SPEG: variants seen among roughly 807,000 people sequenced by gnomAD.
SPEG encodes the protein striated muscle enriched protein kinase, also known as striated muscle preferentially expressed protein kinase.
In SPEG, 114 loss-of-function variants were observed where a neutral mutation model predicts 300.4. The observed-to-expected ratio is 0.38, with a 90% confidence interval of 0.33 to 0.44. The LOEUF (loss-of-function observed/expected upper bound fraction) is 0.44, where lower values mean the gene tolerates loss of function less well. Ranked by LOEUF, SPEG falls within the 20% of genes least tolerant of loss-of-function variation. The pLI, the probability that SPEG is intolerant of heterozygous loss-of-function variation, is 1.00. For synonymous variants in SPEG, 1,964 were observed against 2,018.9 expected, an observed-to-expected ratio of 0.97 and a Z score of 0.73; for missense variants, 4,201 against 4,586.2, an observed-to-expected ratio of 0.92 and a Z score of 2.43.
Position 219,472,885 on chromosome 2 carries a change from G to T in SPEG, c.3941-5G>T, listed in dbSNP as rs200293373. ...AGCAGCCTCTAGTAGCTCCTCTCCC[G>T]CCAGACCCGGACTCCCTGACGTACA... is the stretch of plus-strand genomic sequence containing the variant. On this transcript the variant is annotated splice_region_variant and splice_polypyrimidine_tract_variant and intron_variant, in intron 15 of 40. Transcript: ENST00000312358. 1.1e-4 allele frequency: 172 copies of T among 1,570,766 alleles called. No homozygotes were observed. The highest frequency in any genetic ancestry group is 1.4e-4 in the Non-Finnish European group (161 of 1,154,738).
Position 219,445,006 on chromosome 2 carries a change from C to A in SPEG, c.660C>A (p.Ala220=). The A allele has an allele frequency of 1.9e-6, 3 of 1,610,432 alleles. No homozygotes were observed. In the South Asian group the frequency reaches 3.3e-5, roughly 18 times the overall value. The change falls in exon 3 of 41, where the codon GCC becomes GCA. Residue 220 remains alanine, a synonymous_variant. Transcript: ENST00000312358. The surrounding 1 kb of genome is among the most constrained non-coding windows in gnomAD (Gnocchi z 6.1). The part of the protein sequence containing the change: ...GSPRQAQATG[A]GPRHLGVEPL... ...CAAGGCAAGCACAGGCAACCGGGGC[C>A]GGGCCACGGCACCTGGGGGTGGAGC...
At position 219,467,281 on chromosome 2, in the gene SPEG, G is replaced by A. The variant is rs1359313092; in HGVS notation, c.2989G>A (p.Val997Met). The A allele has an allele frequency of 6.8e-6, 11 of 1,609,714 alleles. No homozygotes were observed. Among genetic ancestry groups the A allele is most frequent in the Admixed American group, 5.0e-5 (3 of 59,990 alleles). The part of the protein sequence containing the change: ...FECLVAGPTD[V>M]EVDWLCRGRL... ...GTGCCTGGTGGCGGGGCCCACTGAC[G>A]TGGAGGTGGATTGGCTGTGCCGTGG... Residue 997 changes from valine to methionine, a missense_variant, in exon 10 of 41, where the codon GTG (valine) becomes ATG (methionine). By Grantham distance (21) the Val-to-Met change is conservative. Coordinates refer to ENST00000312358, the MANE Select transcript of SPEG (RefSeq NM_005876.5).
At chr2:219,466,410 G>GTCTA in intron 9 of SPEG, 1 of 1,316,542 alleles carries the variant, frequency 7.6e-7, no homozygotes, top group Non-Finnish European at 9.7e-7. Context: ...CTACAGGCCT[G>GTCTA]TCTATCTGTT....
At position 219,435,236 on chromosome 2, in the gene SPEG, GC is replaced by G; in HGVS notation, c.264del (p.Glu89SerfsTer89). The G allele has an allele frequency of 1.4e-6, 2 of 1,475,924 alleles. No homozygotes were observed. Among genetic ancestry groups the G allele is most frequent in the Non-Finnish European group, 8.9e-7 (1 of 1,123,800 alleles). The allele number at this position is 1,475,924 out of a possible 1,614,324, so 91.4% of individuals were successfully genotyped here. Reference protein sequence around the residue: ...FRDGQLLPAPAPEPSCLWLRR... With the variant: ...FRDGQLLPAPXPEPSCLWLRR... ...GGATGGGCAGCTCCTGCCCGCGCCG[GC>G]CCCCGAGCCCAGCTGCCTGTGGCTG... On this transcript the variant is annotated frameshift_variant, in exon 1 of 41. Coordinates refer to ENST00000312358, the MANE Select transcript of SPEG (RefSeq NM_005876.5). LOFTEE classifies it high-confidence loss of function.
rs770645696 is a variant in SPEG at position 219,471,882 on chromosome 2, C to T, written c.3730C>T (p.Arg1244Cys). Residue 1244 changes from arginine (R) to cysteine (C), a missense_variant, in exon 14 of 41, where the codon CGC (arginine) becomes TGC (cysteine). Arg to Cys is a radical substitution (Grantham distance 180). Transcript: ENST00000312358. ...TCCCCTCCCAGACAGGGATGTCCATCGCTTGGTGTTCCCTGCCGTGGGGCC... is the reference window on the plus strand; with the variant it reads ...TCCCCTCCCAGACAGGGATGTCCATTGCTTGGTGTTCCCTGCCGTGGGGCC... ...RRMTQYRDVH[R>C]LVFPAVGPQH... is the part of the protein sequence containing the mutation. 29 of 1,613,936 alleles carry T rather than the reference C, an allele frequency of 1.8e-5. No homozygotes were observed. In the East Asian group the frequency reaches 2.0e-4, roughly 11 times the overall value.
At chr2:219,454,691 TA>T (rs1690036509) in intron 6 of SPEG, among the ~76,000 whole-genome samples, 1 of 152,236 alleles carries the variant, frequency 6.6e-6, no homozygotes, top group Admixed American at 6.5e-5. Context: ...CAGCAGCCTT[TA>T]TTTAGCACTT....
intron 13 of SPEG, 189 bp from the exon 14 acceptor site, chr2:219,471,679 G>T (rs1691885908): frequency 7.5e-6 from 5 of 662,722 alleles, no homozygotes; most frequent in Non-Finnish European, 7.6e-6. Flanking sequence ...GCCAGCCCGG[G>T]CCCAGACCCA....
intron 6 of SPEG, among the ~76,000 whole-genome samples, chr2:219,455,840 C>T (rs1045042600): frequency 9.9e-5 from 15 of 152,208 alleles, no homozygotes; most frequent in African/African-American, 2.4e-4. Flanking sequence ...CCCCACCGTG[C>T]GCCCCGAGAG....
In SPEG at chr2:219,482,852, G is replaced by A; in HGVS notation, c.5634G>A (p.Gln1878=). Residue 1878 remains glutamine, a splice_region_variant and synonymous_variant, in exon 29 of 41, where the codon CAG becomes CAA. Transcript: ENST00000312358. ...TATTCCTCTCCCGGCGGAGGTGGCA[G>A]GTAAGTGTGGCAGGCCAGCCTCTGT... The part of the protein sequence containing the change: ...LKLFLSRRRW[Q]RSQISYKCHL... 1 of 1,613,702 alleles carries A rather than the reference G, an allele frequency of 6.2e-7. No homozygotes were observed. Among genetic ancestry groups the A allele is most frequent in the Non-Finnish European group, 8.5e-7 (1 of 1,179,830 alleles).
rs1575045157 is a variant in SPEG at position 219,445,123 on chromosome 2, A to T, written c.777A>T (p.Ala259=). 3 of 1,591,772 alleles carry T rather than the reference A, an allele frequency of 1.9e-6. No homozygotes were observed. Among genetic ancestry groups the T allele is most frequent in the Non-Finnish European group, 2.6e-6 (3 of 1,169,866 alleles). Residue 259 remains alanine (A), a synonymous_variant, in exon 3 of 41, where the codon GCA becomes GCT. Transcript: ENST00000312358. The surrounding 1 kb of genome is among the most constrained non-coding windows in gnomAD (Gnocchi z 6.1). ...TGGCCAGTGACCTGTACGGCAGCGCATTCAGCCTGTACAGAGGACGGGCGC... is the reference window on the plus strand; with the variant it reads ...TGGCCAGTGACCTGTACGGCAGCGCTTTCAGCCTGTACAGAGGACGGGCGC... ...LSVASDLYGS[A]FSLYRGRALS...
chr2:219,446,287 T>C (rs1444394017), intron 3 of SPEG, among the ~76,000 whole-genome samples: 1 of 152,024 alleles, frequency 6.6e-6, no homozygotes, highest in Non-Finnish European at 1.5e-5. Context: ...GAGCCTGGAG[T>C]TGCTATGGCA....
In SPEG at chr2:219,448,959, A is replaced by G; in HGVS notation, c.1801A>G (p.Ser601Gly). ...RRRDQFPLTR[S>G]RAIQECRSPV... ...TCGGGACCAATTCCCGCTGACCCGG[A>G]GCAGAGCCATCCAGGAGTGCAGGAG... Residue 601 changes from serine (S) to glycine (G), a missense_variant, in exon 4 of 41, where the codon AGC becomes GGC. Transcript: ENST00000312358. 1 of 1,511,596 alleles carries G rather than the reference A, an allele frequency of 6.6e-7. No individual in the cohort carries two copies. Among genetic ancestry groups the G allele is most frequent in the South Asian group, 1.3e-5 (1 of 79,752 alleles). 93.6% of individuals were successfully genotyped at this position (1,511,596 alleles called of 1,614,324 possible). A position where few individuals can be genotyped will look rare whatever the true frequency, so the allele number is the denominator to read the frequency against.
chr2:219,471,172 G>A (rs879471338), intron 13 of SPEG, among the ~76,000 whole-genome samples: 3 of 152,156 alleles, frequency 2.0e-5, no homozygotes, highest in Admixed American at 2.0e-4. Context: ...CCAGGGGCAG[G>A]GGGGCTTCAT....
At position 219,447,986 on chromosome 2, in the gene SPEG, G is replaced by C; in HGVS notation, c.828G>C (p.Gln276His). 6.2e-7 allele frequency: 1 copy of C among 1,612,558 alleles called. No homozygotes were observed. Among genetic ancestry groups the C allele is most frequent in the Middle Eastern group, 1.6e-4 (1 of 6,062 alleles). ...CTTGGTTCTGCAGCAGCGTCCCTCA[G>C]AGCGGGTTGCGCAGGGAGGAGCCCG... is the stretch of plus-strand genomic sequence containing the variant. ...RALSIHVSVP[Q>H]SGLRREEPDL... Residue 276 changes from glutamine to histidine, a missense_variant, in exon 4 of 41, where the codon CAG (glutamine) becomes CAC (histidine). By Grantham distance (24) the Gln-to-His change is conservative. Coordinates refer to ENST00000312358, the MANE Select transcript of SPEG (RefSeq NM_005876.5).
chr2:219,467,199 C>G lies in SPEG; in HGVS notation c.2907C>G (p.Ala969=). 6.3e-7 allele frequency: 1 copy of G among 1,588,184 alleles called. No homozygotes were observed. The highest frequency in any genetic ancestry group is 8.6e-7 in the Non-Finnish European group (1 of 1,168,174). The change falls in exon 10 of 41, where the codon GCC becomes GCG. Residue 969 remains alanine (A), a synonymous_variant. Transcript: ENST00000312358. ...VRAHPESRSL[A]VLAPLQDVDV... The stretch of plus-strand genomic sequence containing the variant: ...CACACCCTGAAAGCCGGTCCCTGGC[C>G]GTGCTGGCCCCCCTGCAGGACGTGG...
In SPEG at chr2:219,483,616, C is replaced by G; in HGVS notation, c.6153C>G (p.Thr2051=). The change falls in exon 30 of 41, where the codon ACC becomes ACG. Residue 2051 remains threonine (T), a synonymous_variant. Transcript: ENST00000312358. ...GCCGGAGCCCCAGCCCGGGAGCCAC[C>G]CGCCTGGCCCGGGGAGGCCTGGGTG... ...PQRRSPSPGA[T]RLARGGLGEG... is the part of the protein sequence containing the mutation. 1.3e-6 allele frequency: 2 copies of G among 1,506,120 alleles called. No individual in the cohort carries two copies. The highest frequency in any genetic ancestry group is 8.8e-7 in the Non-Finnish European group (1 of 1,135,822). 93.3% of individuals were successfully genotyped at this position (1,506,120 alleles called of 1,614,324 possible).
At position 219,449,055 on chromosome 2, in the gene SPEG, C is replaced by G; in HGVS notation, c.1897C>G (p.Pro633Ala). Residue 633 changes from proline (P) to alanine (A), a missense_variant, in exon 4 of 41, where the codon CCC (proline) becomes GCC (alanine). By Grantham distance (27) the Pro-to-Ala change is conservative. Transcript: ENST00000312358. Reference protein sequence around the residue: ...TKAPPGRKREPPAQAVRFLPW... With the variant: ...TKAPPGRKREAPAQAVRFLPW... ...AGCACCCCCCGGTCGGAAGCGGGAG[C>G]CCCCGGCGCAGGCCGTGCGCTTCCT... is the stretch of plus-strand genomic sequence containing the variant. The G allele has an allele frequency of 2.0e-6, 3 of 1,516,584 alleles. 1 individual carries two copies. Among genetic ancestry groups the G allele is most frequent in the South Asian group, 2.5e-5 (2 of 80,574 alleles). 93.9% of individuals were successfully genotyped at this position (1,516,584 alleles called of 1,614,324 possible).
Position 219,444,917 on chromosome 2 carries a change from G to C in SPEG, c.571G>C (p.Gly191Arg). 6.3e-7 allele frequency: 1 copy of C among 1,577,504 alleles called. No homozygotes were observed. ...GGAGCAAGTGAGCTGGTGGGGCAGC[G>C]GGCAGACGGTCCTGGAGCAGGAAGC... The part of the protein sequence containing the change: ...SEEQVSWWGS[G>R]QTVLEQEAGS... Residue 191 changes from glycine (G) to arginine (R), a missense_variant, in exon 3 of 41, where the codon GGG (glycine) becomes CGG (arginine). Physicochemically the swap from Gly to Arg is moderately radical, Grantham distance 125. Coordinates refer to ENST00000312358, the MANE Select transcript of SPEG (RefSeq NM_005876.5). This position sits in a 1 kb window ranked among gnomAD's most constrained non-coding sequence, Gnocchi z 7.8.
rs779175668 is a variant in SPEG at position 219,448,755 on chromosome 2, C to T, written c.1597C>T (p.Pro533Ser). 2.7e-5 allele frequency: 40 copies of T among 1,466,124 alleles called. No homozygotes were observed. The highest frequency in any genetic ancestry group is 6.6e-5 in the South Asian group (5 of 76,144). 90.8% of individuals were successfully genotyped at this position (1,466,124 alleles called of 1,614,324 possible). A position where few individuals can be genotyped will look rare whatever the true frequency, so the allele number is the denominator to read the frequency against. ...RAPSPREPGEPPLFSRPSTPK... is the reference protein window; with the variant it reads ...RAPSPREPGESPLFSRPSTPK... ...CCCATCCCCTCGAGAGCCCGGCGAG[C>T]CCCCGCTCTTCTCTCGGCCCTCCAC... The change falls in exon 4 of 41, where the codon CCC (proline) becomes TCC (serine). Residue 533 changes from proline to serine, a missense_variant. Transcript: ENST00000312358.
Sources: gnomAD v4.1 joint callset for allele counts (sites outside exome capture counted in the v4.1 genomes callset) on GRCh38, gnomAD v4.1.1 for gene constraint, Gnocchi (gnomAD v3.1) non-coding constraint, MANE v1.5 for transcripts, NCBI Gene and HGNC (gene_info 2026-07-23, HGNC 2026-07-21) for gene names.